The following TNRC6B variants were observed in gnomAD, a reference collection of about 807,000 sequenced individuals.
The protein encoded by TNRC6B is trinucleotide repeat-containing gene 6B protein.
In TNRC6B, 52 loss-of-function variants were observed where a neutral mutation model predicts 203.6. The ratio of observed to expected loss-of-function variants is 0.26; its 90% CI spans 0.20 to 0.32. The LOEUF (loss-of-function observed/expected upper bound fraction) is 0.32, where lower values mean the gene tolerates loss of function less well. Ranked by LOEUF, TNRC6B falls within the 10% of genes least tolerant of loss-of-function variation. TNRC6B has a pLI of 1.00. For missense variants in TNRC6B, 1,923 were observed against 2,286.2 expected, an observed-to-expected ratio of 0.84 and a Z score of 3.24; for synonymous variants, 838 against 845.7, an observed-to-expected ratio of 0.99 and a Z score of 0.16.
intron 1 of TNRC6B, among the ~76,000 whole-genome samples, chr22:40,047,988 ATGAC>A (rs2146259983): frequency 6.6e-6 from 1 of 152,304 alleles, no homozygotes; most frequent in South Asian, 2.1e-4. Context: ...CAATAAGAAA[ATGAC>A]TAGTTCATGT....
At chr22:40,132,969 A>AAAAATATAT (rs1282694632) in intron 3 of TNRC6B, among the ~76,000 whole-genome samples, 25 of 78,182 alleles carry the variant, frequency 3.2e-4, no homozygotes, top group African/African-American at 6.0e-4. Context: ...AAAAAAAAAA[A>AAAAATATAT]ATATATATAT....
At chr22:40,306,922 A>T (rs1843138369) in intron 15 of TNRC6B, among the ~76,000 whole-genome samples, 1 of 152,158 alleles carries the variant, frequency 6.6e-6, no homozygotes, top group South Asian at 2.1e-4. Flanking sequence ...CAGGAGGCGG[A>T]GGTTGCTGTG....
chr22:40,237,134 G>A (rs1395156865), intron 1 of TNRC6B, among the ~76,000 whole-genome samples: 2 of 152,078 alleles, frequency 1.3e-5, no homozygotes, highest in African/African-American at 2.4e-5. Flanking sequence ...CACTGCACTC[G>A]GGAGATGGCG....
intron 1 of TNRC6B, among the ~76,000 whole-genome samples, chr22:40,192,284 G>A (rs2069284568): frequency 6.6e-6 from 1 of 152,182 alleles, no homozygotes; most frequent in African/African-American, 2.4e-5. Context: ...AAAGCAAGAG[G>A]GACAAGTGGA....
intron 1 of TNRC6B, among the ~76,000 whole-genome samples, chr22:40,223,548 C>G (rs1409519292): frequency 5.3e-5 from 8 of 152,166 alleles, no homozygotes; most frequent in Admixed American, 4.6e-4. Context: ...TTGCATCTTG[C>G]TTTTAAAACT....
intron 3 of TNRC6B, among the ~76,000 whole-genome samples, chr22:40,260,550 A>G (rs1235522790): frequency 6.6e-6 from 1 of 152,162 alleles, no homozygotes; most frequent in East Asian, 1.9e-4. Context: ...GTAGAGAGAG[A>G]TGGATGATGT....
chr22:40,312,433 A>G, intron 17 of TNRC6B, 72 bp from the exon 18 acceptor site: 1 of 1,446,836 alleles, frequency 6.9e-7, no homozygotes, highest in South Asian at 1.4e-5. Flanking sequence ...CCCATTTCTT[A>G]TGTCAAAAAA....
At chr22:40,271,117 A>G (rs780772706) in intron 6 of TNRC6B, among the ~76,000 whole-genome samples, 1 of 152,238 alleles carries the variant, frequency 6.6e-6, no homozygotes, top group Non-Finnish European at 1.5e-5. Context: ...TTGAAAATCT[A>G]AAATCTAAGC....
rs1601819954 is a variant in TNRC6B at position 40,109,252 on chromosome 22, A to G, written c.-120-7803A>G. 3.9e-5 allele frequency among the ~76,000 whole-genome samples: 6 copies of G among 152,190 alleles called. No individual in the cohort carries two copies. The East Asian group carries it at 9.6e-4, about 24-fold the overall frequency. On this transcript the variant is annotated intron_variant, in intron 1 of 23. Coordinates refer to the TNRC6B transcript ENST00000301923. Reference sequence around the variant, plus strand: ...AGTGCTGCAGTGAACATACGCGTGTATGTATCTTTATAATAGAATGATTTA... The same window carrying G: ...AGTGCTGCAGTGAACATACGCGTGTGTGTATCTTTATAATAGAATGATTTA...
chr22:40,310,230 A>G (rs1365087714), intron 16 of TNRC6B, among the ~76,000 whole-genome samples: 3 of 152,204 alleles, frequency 2.0e-5, no homozygotes, highest in Admixed American at 6.5e-5. Context: ...TGCAGAGTTC[A>G]TTGCTGGTCT....
chr22:40,276,981 G>A (rs752602948), intron 7 of TNRC6B, 96 bp from the exon 8 acceptor site: 69 of 864,316 alleles, frequency 8.0e-5, no homozygotes, highest in Non-Finnish European at 1.0e-4. Flanking sequence ...GACTTAAAAA[G>A]GTAAACTCAA....
chr22:40,248,912 T>C (rs1288115078), intron 2 of TNRC6B, among the ~76,000 whole-genome samples: 2 of 152,210 alleles, frequency 1.3e-5, no homozygotes, highest in Admixed American at 6.5e-5. Flanking sequence ...AAATTCTGAT[T>C]TAGCAGTTTT....
chr22:40,208,403 T>G (rs190816288), intron 1 of TNRC6B, among the ~76,000 whole-genome samples: 15 of 152,328 alleles, frequency 9.8e-5, no homozygotes, highest in Admixed American at 4.6e-4. Flanking sequence ...GAAACCTTAA[T>G]GCCCATCAGT....
chr22:40,256,027 T>G (rs1326656308), intron 3 of TNRC6B, among the ~76,000 whole-genome samples: 1 of 152,186 alleles, frequency 6.6e-6, no homozygotes, highest in Non-Finnish European at 1.5e-5. Context: ...TAATTTTTTG[T>G]ATTTTTAGTA....
intron 1 of TNRC6B, among the ~76,000 whole-genome samples, chr22:40,219,228 T>C (rs747282409): frequency 6.6e-6 from 1 of 152,176 alleles, no homozygotes; most frequent in Non-Finnish European, 1.5e-5. Context: ...CCAGGACCAA[T>C]AGCACTTAGT....
chr22:40,213,774 C>CT (rs1266542825), intron 1 of TNRC6B, among the ~76,000 whole-genome samples: 1 of 152,152 alleles, frequency 6.6e-6, no homozygotes, highest in Non-Finnish European at 1.5e-5. Flanking sequence ...AAGATTTCTG[C>CT]TTTTGGGGGA....
intron 6 of TNRC6B, among the ~76,000 whole-genome samples, chr22:40,271,463 A>G (rs575771872): frequency 1.3e-5 from 2 of 152,384 alleles, no homozygotes; most frequent in South Asian, 4.1e-4. Flanking sequence ...ATGTGTGTAT[A>G]TGTAGTAATT....
chr22:40,192,868 G>A (rs1020043482), intron 1 of TNRC6B, among the ~76,000 whole-genome samples: 1 of 152,194 alleles, frequency 6.6e-6, no homozygotes, highest in Admixed American at 6.5e-5. Context: ...ATATAACTTG[G>A]CAGGCAGAAA....
intron 3 of TNRC6B, among the ~76,000 whole-genome samples, chr22:40,128,658 G>A (rs2068515905): frequency 6.6e-6 from 1 of 151,240 alleles, no homozygotes; most frequent in Admixed American, 6.6e-5. Context: ...CAAGTAGCTG[G>A]GACCACAGGT....
Sources: gnomAD v4.1 joint callset for allele counts (sites outside exome capture counted in the v4.1 genomes callset) on GRCh38, gnomAD v4.1.1 for gene constraint, MANE v1.5 for transcripts, NCBI Gene and HGNC (gene_info 2026-07-23, HGNC 2026-07-21) for gene names.